Variants in CABLES1 observed in about 807,000 individuals in gnomAD.
The protein encoded by CABLES1 is Cdk5 and Abl enzyme substrate 1, also known as CDK5 and ABL1 enzyme substrate 1.
A neutral mutation model predicts 57.8 loss-of-function variants in CABLES1; 36 were observed. The observed-to-expected ratio is 0.62, with a 90% CI of 0.48 to 0.82. The LOEUF is 0.82. Ranked by LOEUF, CABLES1 falls within the 40% of genes least tolerant of loss-of-function variation. The pLI, the probability that CABLES1 is intolerant of heterozygous loss-of-function variation, is 0.00. For missense variants in CABLES1, 767 were observed against 836.6 expected, an observed-to-expected ratio of 0.92 and a Z score of 1.03; for synonymous variants, 374 against 363.0, an observed-to-expected ratio of 1.03 and a Z score of -0.35.
chr18:23,209,659 A>G (rs1056118462), intron 3 of CABLES1, among the ~76,000 whole-genome samples: 28 of 152,112 alleles, frequency 1.8e-4, no homozygotes, highest in African/African-American at 6.8e-4. Context: ...TCCTTAAGAG[A>G]ATATTTCTGT....
chr18:23,136,111 G>A lies in CABLES1; in HGVS notation c.349G>A (p.Gly117Ser). 2 of 1,189,914 alleles carry A rather than the reference G, an allele frequency of 1.7e-6. No homozygotes were observed. The highest frequency in any genetic ancestry group is 2.1e-6 in the Non-Finnish European group (2 of 961,488). The allele number at this position is 1,189,914 out of a possible 1,614,324, so 73.7% of individuals were successfully genotyped here. A position where few individuals can be genotyped will look rare whatever the true frequency, so the allele number is the denominator to read the frequency against. Residue 117 changes from glycine to serine, a missense_variant, in exon 1 of 10, where the codon GGC (glycine) becomes AGC (serine). Physicochemically the swap from Gly to Ser is moderately conservative, Grantham distance 56 (BLOSUM62 0). This residue lies in a region of CABLES1 where 198 missense variants were observed against 149.7 expected (regional missense o/e 1.32). Coordinates refer to ENST00000256925, the MANE Select transcript of CABLES1 (RefSeq NM_001100619.3). ...RFSLLAAAERGGCIALAAPGT... is the reference protein window; with the variant it reads ...RFSLLAAAERSGCIALAAPGT... ...CAGCTTGCTCGCCGCTGCCGAGCGG[G>A]GCGGCTGCATCGCGCTCGCCGCGCC...
At position 23,234,718 on chromosome 18, in the gene CABLES1, G is replaced by T. The variant is rs750585031; in HGVS notation, c.1185+14G>T. 6.2e-7 allele frequency: 1 copy of T among 1,604,458 alleles called. No homozygotes were observed. The highest frequency in any genetic ancestry group is 1.1e-5 in the South Asian group (1 of 90,608). Reference sequence around the variant, plus strand: ...GCTGATGGGAAGGTAAGGCTGCCAGGCTGCCAGTCACCAAGTTGTGCTGAA... The same window carrying T: ...GCTGATGGGAAGGTAAGGCTGCCAGTCTGCCAGTCACCAAGTTGTGCTGAA... On this transcript the variant is annotated intron_variant, in intron 5 of 9. Coordinates refer to ENST00000256925, the MANE Select transcript of CABLES1 (RefSeq NM_001100619.3).
chr18:23,252,417 C>T (rs117193113), intron 7 of CABLES1, among the ~76,000 whole-genome samples: 2,563 of 152,298 alleles, frequency 0.017, 272 homozygotes, highest in Admixed American at 0.15. Flanking sequence ...AGAACATTAG[C>T]TAACATGTAT....
At chr18:23,180,559 C>T (rs2047157995) in intron 1 of CABLES1, among the ~76,000 whole-genome samples, 3 of 152,138 alleles carry the variant, frequency 2.0e-5, no homozygotes, top group Admixed American at 2.0e-4. Flanking sequence ...CTCTGTCACC[C>T]AGGCTAGAGT....
intron 1 of CABLES1, among the ~76,000 whole-genome samples, chr18:23,170,471 G>A (rs1224975338): frequency 1.3e-5 from 2 of 152,142 alleles, no homozygotes; most frequent in African/African-American, 2.4e-5. Context: ...TGGGTTCCAA[G>A]ACCACACACC....
intron 7 of CABLES1, among the ~76,000 whole-genome samples, chr18:23,248,934 C>A (rs1230980108): frequency 6.6e-6 from 1 of 152,264 alleles, no homozygotes; most frequent in Non-Finnish European, 1.5e-5. Context: ...CCACAAGCCA[C>A]ACTGTAGAAC....
chr18:23,259,364 C>G lies in CABLES1; in HGVS notation c.*1997C>G, dbSNP rs1568101057. 6.6e-6 allele frequency: 1 copy of G among 152,196 alleles called. No individual in the cohort carries two copies. The highest frequency in any genetic ancestry group is 1.5e-5 in the Non-Finnish European group (1 of 68,072). The allele number at this position is 152,196 out of a possible 1,614,324, so 9.4% of individuals were successfully genotyped here. A position where few individuals can be genotyped will look rare whatever the true frequency, so the allele number is the denominator to read the frequency against. ...GGGACGTCCGATGGATGACAGGCCG[C>G]CAGCCCAGACGTGGGGAGAGAAGCC... On this transcript the variant is annotated 3_prime_UTR_variant, in exon 10 of 10. Coordinates refer to ENST00000256925, the MANE Select transcript of CABLES1 (RefSeq NM_001100619.3).
At chr18:23,212,094 G>A (rs2047409321) in intron 3 of CABLES1, among the ~76,000 whole-genome samples, 1 of 152,250 alleles carries the variant, frequency 6.6e-6, no homozygotes, top group Admixed American at 6.5e-5. Context: ...AGCCATGCAT[G>A]GGGTCTTTCA....
Position 23,194,011 on chromosome 18 carries a change from A to G in CABLES1, c.918-437A>G, listed in dbSNP as rs79941545. The stretch of plus-strand genomic sequence containing the variant: ...GTAATTCAGGCCAAAATCTTGTTGC[A>G]GAAGAAAAATGATTCAGGCTTGTTT... On this transcript the variant is annotated intron_variant, in intron 2 of 9. Transcript: ENST00000256925. Among the ~76,000 whole-genome samples, 13 of 152,320 alleles carry G rather than the reference A, an allele frequency of 8.5e-5. No homozygotes were observed. In the East Asian group the frequency reaches 1.7e-3, roughly 20 times the overall value.
chr18:23,202,884 G>A (rs1173160082), intron 3 of CABLES1, among the ~76,000 whole-genome samples: 3 of 151,986 alleles, frequency 2.0e-5, no homozygotes, highest in Non-Finnish European at 4.4e-5. Context: ...TTACTCGGGA[G>A]GCTGAGGCAG....
intron 1 of CABLES1, among the ~76,000 whole-genome samples, chr18:23,165,001 G>A (rs191615717): frequency 6.6e-6 from 1 of 152,222 alleles, no homozygotes. Context: ...TCGAACTCCT[G>A]AACTCAGGTG....
At chr18:23,229,410 C>T (rs914805931) in intron 4 of CABLES1, among the ~76,000 whole-genome samples, 1 of 151,390 alleles carries the variant, frequency 6.6e-6, no homozygotes, top group Admixed American at 6.9e-5. Flanking sequence ...AAAACTCCAT[C>T]TCAAAAATTA....
At chr18:23,155,606 G>A (rs923277224) in intron 1 of CABLES1, among the ~76,000 whole-genome samples, 38 of 152,328 alleles carry the variant, frequency 2.5e-4, no homozygotes, top group African/African-American at 8.9e-4. Flanking sequence ...GCCTTGTTGA[G>A]CCGTGTCCAG....
At chr18:23,187,481 G>A (rs945835229) in intron 1 of CABLES1, among the ~76,000 whole-genome samples, 4 of 152,194 alleles carry the variant, frequency 2.6e-5, no homozygotes, top group Non-Finnish European at 4.4e-5. Context: ...CTGCCTCCCG[G>A]GTTCACGCCA....
chr18:23,189,999 T>C (rs1264465690), intron 2 of CABLES1, among the ~76,000 whole-genome samples: 1 of 152,210 alleles, frequency 6.6e-6, no homozygotes, highest in Non-Finnish European at 1.5e-5. Context: ...TCTCCACTTT[T>C]GGAGTCTTTT....
intron 1 of CABLES1, chr18:23,156,099 C>A: frequency 1.1e-6 from 1 of 910,152 alleles, no homozygotes; most frequent in East Asian, 2.5e-5. Flanking sequence ...TGTGGGCCAG[C>A]AGCGGGGGCT....
At chr18:23,173,762 A>C (rs1013423357) in intron 1 of CABLES1, among the ~76,000 whole-genome samples, 1 of 152,196 alleles carries the variant, frequency 6.6e-6, no homozygotes, top group African/African-American at 2.4e-5. Context: ...CAAGAGTTCA[A>C]GACTGTCCTG....
chr18:23,245,848 G>A (rs2047863870), intron 7 of CABLES1, among the ~76,000 whole-genome samples: 1 of 152,236 alleles, frequency 6.6e-6, no homozygotes. Context: ...GAGCACCCTT[G>A]CAAAAAACAC....
At chr18:23,137,494 C>T (rs1378409004) in intron 1 of CABLES1, among the ~76,000 whole-genome samples, 1 of 152,136 alleles carries the variant, frequency 6.6e-6, no homozygotes, top group East Asian at 1.9e-4. Flanking sequence ...AGTGCCCTCC[C>T]TTGTTGGTTA....
Sources: allele counts gnomAD v4.1 joint callset (sites outside exome capture counted in the v4.1 genomes callset), GRCh38; gene constraint gnomAD v4.1.1; regional missense constraint gnomAD v4.1.1; transcripts MANE v1.5; gene names NCBI Gene and HGNC (gene_info 2026-07-23, HGNC 2026-07-21).